The following ADAMTSL1 variants were observed in gnomAD, a reference collection of about 807,000 sequenced individuals.
ADAMTSL1 encodes ADAMTS-like protein 1.
ADAMTSL1 carries 126 observed loss-of-function variants against 201.8 expected under a neutral mutation model. The ratio of observed to expected loss-of-function variants is 0.62; its 90% CI spans 0.54 to 0.72. The LOEUF is 0.72. Among genes scored for constraint, ADAMTSL1 ranks in the 30% least tolerant of loss-of-function variants. ADAMTSL1 has a pLI of 0.00. For synonymous variants in ADAMTSL1, 1,121 were observed against 903.4 expected (o/e 1.24, Z -4.32); for missense variants, 2,679 against 2,277.8 (o/e 1.18, Z -3.59).
intron 1 of ADAMTSL1, among the ~76,000 whole-genome samples, chr9:18,011,171 GA>G: frequency 6.6e-6 from 1 of 151,976 alleles, no homozygotes; most frequent in Non-Finnish European, 1.5e-5. Context: ...TTTGGATCTT[GA>G]GACAAAAGAG....
chr9:18,429,747 T>C (rs1370138383), intron 2 of ADAMTSL1, among the ~76,000 whole-genome samples: 4 of 152,186 alleles, frequency 2.6e-5, no homozygotes, highest in Non-Finnish European at 5.9e-5. Context: ...TTATTCCATT[T>C]AAATTCTCTA....
At chr9:18,475,036 C>T (rs914672379) in intron 1 of ADAMTSL1, among the ~76,000 whole-genome samples, 3 of 152,084 alleles carry the variant, frequency 2.0e-5, no homozygotes, top group South Asian at 2.1e-4. Flanking sequence ...GTTTTATGGG[C>T]AGAAAATGAA....
At chr9:18,017,034 T>C (rs939102534) in intron 1 of ADAMTSL1, among the ~76,000 whole-genome samples, 3 of 152,104 alleles carry the variant, frequency 2.0e-5, no homozygotes, top group African/African-American at 7.2e-5. Flanking sequence ...CCTTCTCTTT[T>C]TCTAGCTGAG....
rs527957751 is a variant in ADAMTSL1, at chr9:18,659,563, G to A, written c.946+1813G>A. Among the ~76,000 whole-genome samples, 19 of 152,296 alleles carry A rather than the reference G, an allele frequency of 1.2e-4. No individual in the cohort carries two copies. In the East Asian group the frequency reaches 3.1e-3, roughly 25 times the overall value. ...AAGGATGGCTTGAGGCCAGGAGTTC[G>A]AGACCAGTCTGGCCAACATGGTGAA... On this transcript the variant is annotated intron_variant, in intron 8 of 28. Transcript: ENST00000380548.
At chr9:18,138,587 G>A (rs1374571454) in intron 1 of ADAMTSL1, among the ~76,000 whole-genome samples, 1 of 152,152 alleles carries the variant, frequency 6.6e-6, no homozygotes, top group South Asian at 2.1e-4. Context: ...TGTTCCTCCT[G>A]TGGAACACTG....
At chr9:18,461,686 TC>T (rs1474781433) in intron 2 of ADAMTSL1, among the ~76,000 whole-genome samples, 1 of 152,110 alleles carries the variant, frequency 6.6e-6, no homozygotes, top group East Asian at 1.9e-4. Context: ...AGCGCAGACC[TC>T]AGGAGTGAGA....
intron 1 of ADAMTSL1, among the ~76,000 whole-genome samples, chr9:17,920,459 A>C (rs1047234718): frequency 2.6e-5 from 4 of 152,198 alleles, no homozygotes; most frequent in Admixed American, 1.3e-4. Context: ...TTGTGTCCAG[A>C]AAGTTATTCT....
chr9:18,315,007 A>G (rs1449268677), intron 2 of ADAMTSL1, among the ~76,000 whole-genome samples: 2 of 149,316 alleles, frequency 1.3e-5, no homozygotes, highest in African/African-American at 2.4e-5. Context: ...CGTGTTAGCC[A>G]GGATGGTCTC....
intron 13 of ADAMTSL1, among the ~76,000 whole-genome samples, chr9:18,696,890 T>TATTATTATTATTATTATC (rs1564159126): frequency 6.7e-6 from 1 of 149,608 alleles, no homozygotes; most frequent in Non-Finnish European, 1.5e-5. Flanking sequence ...TTATTATTAT[T>TATTATTATTATTATTATC]ATTATTTTGA....
At chr9:18,770,488 T>G (rs994916343) in intron 16 of ADAMTSL1, 114 bp from the exon 17 acceptor site, 1 of 1,126,124 alleles carries the variant, frequency 8.9e-7, no homozygotes, top group Non-Finnish European at 1.2e-6. Flanking sequence ...TTTTTCTTCT[T>G]CTTCTGGATT....
At chr9:18,059,437 G>C (rs893740366) in intron 1 of ADAMTSL1, among the ~76,000 whole-genome samples, 3 of 152,122 alleles carry the variant, frequency 2.0e-5, no homozygotes, top group African/African-American at 2.4e-5. Flanking sequence ...TTCTTAATGT[G>C]GTGGGGAAAA....
At chr9:17,937,704 A>G (rs1490226034) in intron 1 of ADAMTSL1, among the ~76,000 whole-genome samples, 6 of 129,786 alleles carry the variant, frequency 4.6e-5, no homozygotes, top group Non-Finnish European at 8.5e-5. Context: ...TGCTGGCCAT[A>G]TATTATGTTT....
chr9:18,875,161 G>A (rs1828074423), intron 23 of ADAMTSL1, among the ~76,000 whole-genome samples: 1 of 151,802 alleles, frequency 6.6e-6, no homozygotes, highest in Non-Finnish European at 1.5e-5. Flanking sequence ...TCTCTTCTTG[G>A]TTAACCCACT....
intron 2 of ADAMTSL1, among the ~76,000 whole-genome samples, chr9:18,392,177 T>G (rs960244410): frequency 6.6e-6 from 1 of 152,166 alleles, no homozygotes; most frequent in Non-Finnish European, 1.5e-5. Context: ...ATTATAAATC[T>G]CAGTTTATTT....
chr9:18,697,051 T>G (rs1831601852), intron 13 of ADAMTSL1, among the ~76,000 whole-genome samples: 1 of 151,628 alleles, frequency 6.6e-6, no homozygotes, highest in Non-Finnish European at 1.5e-5. Flanking sequence ...AGCTAATTTT[T>G]GTATTTTTTT....
At chr9:18,312,201 G>A (rs1834183800) in intron 2 of ADAMTSL1, among the ~76,000 whole-genome samples, 1 of 152,224 alleles carries the variant, frequency 6.6e-6, no homozygotes, top group Admixed American at 6.5e-5. Context: ...GCTTTAACCT[G>A]TAAGGTGGTT....
intron 3 of ADAMTSL1, among the ~76,000 whole-genome samples, chr9:18,535,589 T>C (rs111805539): frequency 0.019 from 2,910 of 152,314 alleles, 62 homozygotes; most frequent in African/African-American, 0.049. Flanking sequence ...ACCATTTTAC[T>C]GTATTAGTCC....
chr9:18,797,399 G>C (rs1195527918), intron 20 of ADAMTSL1, among the ~76,000 whole-genome samples: 1 of 152,218 alleles, frequency 6.6e-6, no homozygotes, highest in Non-Finnish European at 1.5e-5. Context: ...AGCTCCTGTT[G>C]TGAGCACACC....
chr9:18,537,969 A>AAGAAGAAG (rs1291995586), intron 3 of ADAMTSL1, among the ~76,000 whole-genome samples: 5 of 89,410 alleles, frequency 5.6e-5, no homozygotes, highest in South Asian at 7.1e-4. Flanking sequence ...GAAGAGAAGA[A>AAGAAGAAG]AGAAGAAGAG....
Sources: allele counts gnomAD v4.1 joint callset (sites outside exome capture counted in the v4.1 genomes callset), GRCh38; gene constraint gnomAD v4.1.1; transcripts MANE v1.5; gene names NCBI Gene and HGNC (gene_info 2026-07-23, HGNC 2026-07-21).